The following ACBD7 variants were observed in gnomAD, a reference collection of about 807,000 sequenced individuals.
The protein encoded by ACBD7 is acyl-CoA binding domain containing 7.
ACBD7 carries 11 observed loss-of-function variants against 13.7 expected under a neutral mutation model. That is an observed-to-expected ratio of 0.80 (90% confidence interval 0.50 to 1.33). The LOEUF (loss-of-function observed/expected upper bound fraction) is 1.33, where lower values mean the gene tolerates loss of function less well. Among genes scored for constraint, ACBD7 ranks in the 40% most tolerant of loss-of-function variants. The pLI, the probability that ACBD7 is intolerant of heterozygous loss-of-function variation, is 0.00. For missense variants in ACBD7, 111 were observed against 103.0 expected (o/e 1.08, Z -0.33); for synonymous variants, 43 against 37.7 (o/e 1.14, Z -0.51).
chr10:15,084,740 C>G (rs576614265), intron 1 of ACBD7, among the ~76,000 whole-genome samples: 12 of 152,290 alleles, frequency 7.9e-5, no homozygotes, highest in African/African-American at 2.9e-4. Flanking sequence ...ATCAGTCTGA[C>G]TGGTTGGGGA....
chr10:15,088,747 G>T lies in ACBD7; in HGVS notation c.-19C>A, dbSNP rs755735755. ...GGGCCATGGTGGCGGCTGCCGCGTTGTTGCTGCTGCTGTTGTCGTCCGGTG... is the reference window on the plus strand; with the variant it reads ...GGGCCATGGTGGCGGCTGCCGCGTTTTTGCTGCTGCTGTTGTCGTCCGGTG... On this transcript the variant is annotated 5_prime_UTR_variant, in exon 1 of 4. Coordinates refer to ENST00000356189, the MANE Select transcript of ACBD7 (RefSeq NM_001039844.3). The T allele has an allele frequency of 3.8e-6, 6 of 1,598,624 alleles. No homozygotes were observed. The Admixed American group carries it at 5.1e-5, about 14-fold the overall frequency.
rs1298538391 is a variant in ACBD7 at position 15,075,782 on chromosome 10, T to C, written c.*2748A>G. On this transcript the variant is annotated 3_prime_UTR_variant, in exon 4 of 4. Coordinates refer to ENST00000356189, the MANE Select transcript of ACBD7 (RefSeq NM_001039844.3). ...TCAGATCAGGAGTTCCAGACCAGCCTGGGCAACATGGTGAAACCCTGTCTC... is the reference window on the plus strand; with the variant it reads ...TCAGATCAGGAGTTCCAGACCAGCCCGGGCAACATGGTGAAACCCTGTCTC... Among the ~76,000 whole-genome samples, 1 of 152,028 alleles carries C rather than the reference T, an allele frequency of 6.6e-6. No homozygotes were observed. Among genetic ancestry groups the C allele is most frequent in the African/African-American group, 2.4e-5 (1 of 41,412 alleles).
intron 1 of ACBD7, among the ~76,000 whole-genome samples, chr10:15,083,010 C>G (rs1844767014): frequency 6.6e-6 from 1 of 152,002 alleles, no homozygotes; most frequent in South Asian, 2.1e-4. Context: ...GCACTCCAGC[C>G]TGGGTGACAG....
intron 1 of ACBD7, among the ~76,000 whole-genome samples, chr10:15,081,603 TTGCAG>T (rs1844750731): frequency 6.6e-6 from 1 of 152,214 alleles, no homozygotes; most frequent in African/African-American, 2.4e-5. Context: ...TCGCAATAAT[TTGCAG>T]TCCTTCTCCT....
chr10:15,076,362 C>G lies in ACBD7; in HGVS notation c.*2168G>C. On this transcript the variant is annotated 3_prime_UTR_variant, in exon 4 of 4. Coordinates refer to ENST00000356189, the MANE Select transcript of ACBD7 (RefSeq NM_001039844.3). The stretch of plus-strand genomic sequence containing the variant: ...CAGATAGAACTGAACATATGGGGTA[C>G]AGTAGTGGTACAGTTTATCACTAGA... The G allele has an allele frequency of 2.0e-6, 2 of 985,168 alleles. No individual in the cohort carries two copies. Among genetic ancestry groups the G allele is most frequent in the Non-Finnish European group, 2.4e-6 (2 of 829,840 alleles). The allele number at this position is 985,168 out of a possible 1,614,324, so 61.0% of individuals were successfully genotyped here. A position where few individuals can be genotyped will look rare whatever the true frequency, so the allele number is the denominator to read the frequency against.
Position 15,079,055 on chromosome 10 carries a change from A to G in ACBD7, c.13-15T>C. ...TCAAAATCAGCCTAAAGGAAGAACA[A>G]ACAAACAAACAAAAGGAGCATTTTA... On this transcript the variant is annotated splice_polypyrimidine_tract_variant and intron_variant, in intron 1 of 3. Coordinates refer to ENST00000356189, the MANE Select transcript of ACBD7 (RefSeq NM_001039844.3). 6.4e-7 allele frequency: 1 copy of G among 1,571,436 alleles called. No homozygotes were observed.
chr10:15,086,766 C>A (rs770642835), intron 1 of ACBD7, among the ~76,000 whole-genome samples: 9 of 152,230 alleles, frequency 5.9e-5, no homozygotes, highest in Non-Finnish European at 8.8e-5. Context: ...GTAATCCAAG[C>A]ACTTTGGGAG....
At chr10:15,086,688 C>T (rs1341014989) in intron 1 of ACBD7, among the ~76,000 whole-genome samples, 3 of 151,890 alleles carry the variant, frequency 2.0e-5, no homozygotes, top group Non-Finnish European at 4.4e-5. Context: ...TCAGCCTGGG[C>T]AACACAGCAA....
intron 1 of ACBD7, among the ~76,000 whole-genome samples, chr10:15,084,336 C>G (rs996457730): frequency 2.6e-5 from 4 of 152,144 alleles, no homozygotes. Context: ...AGCGAGCAGA[C>G]TTTAGGGGGA....
chr10:15,088,610 G>C lies in ACBD7; in HGVS notation c.12+107C>G, dbSNP rs1474228945. 3 of 1,432,710 alleles carry C rather than the reference G, an allele frequency of 2.1e-6. No individual in the cohort carries two copies. The South Asian group carries it at 3.8e-5, about 18-fold the overall frequency. 88.7% of individuals were successfully genotyped at this position (1,432,710 alleles called of 1,614,324 possible). ...TGGGGAAGGAGTGGGCGTGTCCCCC[G>C]GGTCACCGCCGACCGCTCCCAGGGG... On this transcript the variant is annotated intron_variant, in intron 1 of 3. Transcript: ENST00000356189.
chr10:15,084,791 A>G (rs1337457130), intron 1 of ACBD7, among the ~76,000 whole-genome samples: 2 of 152,244 alleles, frequency 1.3e-5, no homozygotes, highest in Non-Finnish European at 2.9e-5. Context: ...ACAAAGGTAC[A>G]TTCCTGTGCA....
In ACBD7 at chr10:15,076,240, A is replaced by T. The variant is rs1844680125; in HGVS notation, c.*2290T>A. On this transcript the variant is annotated 3_prime_UTR_variant, in exon 4 of 4. Transcript: ENST00000356189. ...TAAGGGATCTCAAACAATTTTTTGA[A>T]TTGTTAACATGAGACTGTCTTCTTT... 1 of 985,154 alleles carries T rather than the reference A, an allele frequency of 1.0e-6. No homozygotes were observed. Among genetic ancestry groups the T allele is most frequent in the Non-Finnish European group, 1.2e-6 (1 of 829,922 alleles). The allele number at this position is 985,154 out of a possible 1,614,324, so 61.0% of individuals were successfully genotyped here. A position where few individuals can be genotyped will look rare whatever the true frequency, so the allele number is the denominator to read the frequency against.
chr10:15,082,775 G>A (rs1330257953), intron 1 of ACBD7, among the ~76,000 whole-genome samples: 79 of 152,154 alleles, frequency 5.2e-4, no homozygotes, highest in South Asian at 2.1e-4. Flanking sequence ...AGTGGCTCAC[G>A]TCTGTAATCC....
chr10:15,081,357 C>T (rs1844747581), intron 1 of ACBD7, among the ~76,000 whole-genome samples: 1 of 152,068 alleles, frequency 6.6e-6, no homozygotes, highest in South Asian at 2.1e-4. Flanking sequence ...GAAGGAACTC[C>T]CCAACCCTCC....
rs540037527 is a variant in ACBD7 at position 15,080,889 on chromosome 10, T to C, written c.13-1849A>G. On this transcript the variant is annotated intron_variant, in intron 1 of 3. Transcript: ENST00000356189. The stretch of plus-strand genomic sequence containing the variant: ...TTTTAAAACTCAGGATAAGCAGGAA[T>C]TGTCAGTAGGCTGGCTGTCAAACAG... Among the ~76,000 whole-genome samples, 6 of 152,308 alleles carry C rather than the reference T, an allele frequency of 3.9e-5. No individual in the cohort carries two copies. In the South Asian group the frequency reaches 1.2e-3, roughly 32 times the overall value.
chr10:15,080,359 C>T (rs988689253), intron 1 of ACBD7, among the ~76,000 whole-genome samples: 5 of 151,946 alleles, frequency 3.3e-5, no homozygotes, highest in Admixed American at 6.6e-5. Flanking sequence ...GCAGGGGGAT[C>T]GCTTGAGGTC....
rs888744808 is a variant in ACBD7 at position 15,076,804 on chromosome 10, T to A, written c.*1726A>T. 6 of 985,226 alleles carry A rather than the reference T, an allele frequency of 6.1e-6. No homozygotes were observed. The African/African-American group carries it at 8.7e-5, about 14-fold the overall frequency. 61.0% of individuals were successfully genotyped at this position (985,226 alleles called of 1,614,324 possible). On this transcript the variant is annotated 3_prime_UTR_variant, in exon 4 of 4. Coordinates refer to ENST00000356189, the MANE Select transcript of ACBD7 (RefSeq NM_001039844.3). ...AGGCGTGAGCCACCACGCTCAGCCT[T>A]GCCATTGATTCTTAATAACCTGTTT...
At chr10:15,085,265 A>C (rs561534609) in intron 1 of ACBD7, among the ~76,000 whole-genome samples, 1 of 152,086 alleles carries the variant, frequency 6.6e-6, no homozygotes, top group East Asian at 1.9e-4. Context: ...CCCTCACCCC[A>C]CCTTTGGCGT....
chr10:15,086,211 G>A (rs1049861750), intron 1 of ACBD7, among the ~76,000 whole-genome samples: 4 of 151,996 alleles, frequency 2.6e-5, no homozygotes, highest in African/African-American at 9.7e-5. Flanking sequence ...GGAGGCTAAG[G>A]CAGGAGAATT....
Sources: allele counts gnomAD v4.1 joint callset (sites outside exome capture counted in the v4.1 genomes callset), GRCh38; gene constraint gnomAD v4.1.1; transcripts MANE v1.5; gene names NCBI Gene and HGNC (gene_info 2026-07-23, HGNC 2026-07-21).